The following ELN variants were observed in gnomAD, a reference collection of about 807,000 sequenced individuals.
The protein encoded by ELN is tropoelastin.
A neutral mutation model predicts 105.8 loss-of-function variants in ELN; 65 were observed. The ratio of observed to expected loss-of-function variants is 0.61; its 90% CI spans 0.50 to 0.75. The LOEUF (loss-of-function observed/expected upper bound fraction) is 0.75, where lower values mean the gene tolerates loss of function less well. ELN is among the 30% of genes least tolerant of loss of function. The probability of loss-of-function intolerance (pLI) is 0.00; values close to 1 mark genes in which losing one functional copy is unlikely to be tolerated. For synonymous variants in ELN, 368 were observed against 389.2 expected (o/e 0.95, Z 0.64); for missense variants, 882 against 969.4 (o/e 0.91, Z 1.20).
At chr7:74,046,825 T>C (rs1792665034) in intron 12 of ELN, 58 bp downstream of exon 12, 6 of 1,578,284 alleles carry the variant, frequency 3.8e-6, no homozygotes, top group Non-Finnish European at 1.7e-6. Context: ...GGTTCACACC[T>C]GTAATCCCAG....
chr7:74,063,090 C>T lies in ELN; in HGVS notation c.1787-63C>T. The T allele has an allele frequency of 6.4e-7, 1 of 1,552,184 alleles. No individual in the cohort carries two copies. Among genetic ancestry groups the T allele is most frequent in the Non-Finnish European group, 8.7e-7 (1 of 1,145,174 alleles). ...TGCCACCTGTCTGCTTGCCTTGTGT[C>T]CCTGGGGCAGGGAGACCCATCGTTC... is the stretch of plus-strand genomic sequence containing the variant. On this transcript the variant is annotated intron_variant, in intron 26 of 32. Transcript: ENST00000252034. This position sits in a 1 kb window ranked among gnomAD's most constrained non-coding sequence, Gnocchi z 4.1.
In ELN at chr7:74,051,762, C is replaced by A. The variant is rs781930831; in HGVS notation, c.812C>A (p.Ala271Asp). 5.0e-6 allele frequency: 8 copies of A among 1,614,082 alleles called. No individual in the cohort carries two copies. In the East Asian group the frequency reaches 1.3e-4, roughly 27 times the overall value. Residue 271 changes from alanine to aspartate, a missense_variant, in exon 16 of 33, where the codon GCC becomes GAC. Coordinates refer to ENST00000252034, the MANE Select transcript of ELN (RefSeq NM_000501.4). ...KAAAKFGAGAAGVLPGVGGAG... is the reference protein window; with the variant it reads ...KAAAKFGAGADGVLPGVGGAG... ...CCCATCTCAACAGGTGCTGGAGCAGCCGGAGTCCTCCCTGGTGTTGGAGGG... is the reference window on the plus strand; with the variant it reads ...CCCATCTCAACAGGTGCTGGAGCAGACGGAGTCCTCCCTGGTGTTGGAGGG...
At chr7:74,036,983 G>A (rs1308724018) in intron 3 of ELN, among the ~76,000 whole-genome samples, 1 of 152,004 alleles carries the variant, frequency 6.6e-6, no homozygotes, top group South Asian at 2.1e-4. Flanking sequence ...ACCACGCCCA[G>A]CTTATTTTTG....
chr7:74,029,415 G>A lies in ELN; in HGVS notation c.82+1146G>A, dbSNP rs552153030. On this transcript the variant is annotated intron_variant, in intron 1 of 32. Transcript: ENST00000252034. ...GTGGGGCTGCTATGCCGCGGCCAAC[G>A]GGGGAGGACAGAAGAGGCTCCCGGG... 1.1e-4 allele frequency among the ~76,000 whole-genome samples: 17 copies of A among 152,274 alleles called. No individual in the cohort carries two copies. In the South Asian group the frequency reaches 3.1e-3, roughly 28 times the overall value.
chr7:74,048,105 T>C (rs1554673563), intron 13 of ELN, 37 bp from the exon 14 acceptor site: 1 of 1,613,206 alleles, frequency 6.2e-7, no homozygotes, highest in Admixed American at 1.7e-5. Flanking sequence ...AGTGGTGATG[T>C]CTGCACAGAT....
chr7:74,046,115 C>T, intron 10 of ELN, 73 bp from the exon 11 acceptor site: 1 of 1,600,304 alleles, frequency 6.2e-7, no homozygotes, highest in Non-Finnish European at 8.6e-7. Flanking sequence ...CCTTGGGCCT[C>T]CTGGCCCCTT....
chr7:74,058,245 C>CTTCT (rs1795790877), intron 22 of ELN, among the ~76,000 whole-genome samples: 1 of 83,740 alleles, frequency 1.2e-5, no homozygotes, highest in African/African-American at 6.8e-5. Context: ...TCTTTTTCTC[C>CTTCT]TTCTTTCTTC....
chr7:74,053,750 G>T (rs1376443465), intron 18 of ELN, among the ~76,000 whole-genome samples: 1 of 151,688 alleles, frequency 6.6e-6, no homozygotes, highest in Non-Finnish European at 1.5e-5. Context: ...ATGGGTGGAT[G>T]GGTGGGTGGA....
At chr7:74,057,498 T>C in intron 21 of ELN, 142 bp from the exon 22 acceptor site, 1 of 1,586,938 alleles carries the variant, frequency 6.3e-7, no homozygotes, top group Non-Finnish European at 8.6e-7. Context: ...CAGAGATGGG[T>C]TTGGTTTGTC....
intron 5 of ELN, among the ~76,000 whole-genome samples, 194 bp from the exon 6 acceptor site, chr7:74,042,420 C>T (rs1791440816): frequency 6.7e-6 from 1 of 148,430 alleles, no homozygotes; most frequent in African/African-American, 2.6e-5. Context: ...AGAGTGAGAC[C>T]TTGTGTCAAA....
intron 3 of ELN, among the ~76,000 whole-genome samples, chr7:74,036,788 T>G (rs1471090635): frequency 6.6e-6 from 1 of 152,182 alleles, no homozygotes; most frequent in African/African-American, 2.4e-5. Context: ...ACTTTATGTC[T>G]GGTGCCCTCT....
At chr7:74,068,594 G>A (rs946044747) in intron 32 of ELN, 63 bp from the exon 33 acceptor site, 39 of 1,603,178 alleles carry the variant, frequency 2.4e-5, no homozygotes, top group Middle Eastern at 3.3e-4. Flanking sequence ...CAGAGCAGGC[G>A]GGGATTAGAG....
At chr7:74,042,907 C>A (rs979586091) in intron 6 of ELN, 77 bp from the exon 7 acceptor site, 184 of 1,609,652 alleles carry the variant, frequency 1.1e-4, no homozygotes, top group Non-Finnish European at 4.1e-5. Context: ...CAATGCTGGG[C>A]CCTCAGCATG....
At position 74,068,951 on chromosome 7, in the gene ELN, C is replaced by T. The variant is rs886062430; in HGVS notation, c.*251C>T. On this transcript the variant is annotated 3_prime_UTR_variant, in exon 33 of 33. Transcript: ENST00000252034. ...CCTGGCCCCCCACCCCATCCCTTCCCACCTAGGAGCTCCCCCTCCACACAG... is the reference window on the plus strand; with the variant it reads ...CCTGGCCCCCCACCCCATCCCTTCCTACCTAGGAGCTCCCCCTCCACACAG... 8 of 559,220 alleles carry T rather than the reference C, an allele frequency of 1.4e-5. No individual in the cohort carries two copies. The highest frequency in any genetic ancestry group is 2.3e-5 in the Non-Finnish European group (7 of 309,718). 34.6% of individuals were successfully genotyped at this position (559,220 alleles called of 1,614,324 possible).
In ELN at chr7:74,052,078, C is replaced by T. The variant is rs1254378533; in HGVS notation, c.949+95C>T. On this transcript the variant is annotated intron_variant, in intron 17 of 32. Coordinates refer to ENST00000252034, the MANE Select transcript of ELN (RefSeq NM_000501.4). Reference sequence around the variant, plus strand: ...AAGCCAGATGGACTTGGCCTTTGTTCCTTCCCAAATATGCATTGTTCATGC... The same window carrying T: ...AAGCCAGATGGACTTGGCCTTTGTTTCTTCCCAAATATGCATTGTTCATGC... 6.3e-6 allele frequency: 9 copies of T among 1,427,570 alleles called. No homozygotes were observed. In the African/African-American group the frequency reaches 1.3e-4, roughly 20 times the overall value. The allele number at this position is 1,427,570 out of a possible 1,614,324, so 88.4% of individuals were successfully genotyped here.
intron 6 of ELN, 119 bp downstream of exon 6, chr7:74,042,825 C>A (rs1025957953): frequency 6.5e-7 from 1 of 1,529,072 alleles, no homozygotes; most frequent in Non-Finnish European, 8.9e-7. Context: ...TTGTCAGTTG[C>A]AATCTACTGG....
chr7:74,048,424 CTT>C, intron 14 of ELN, 77 bp from the exon 15 acceptor site: 1 of 1,608,620 alleles, frequency 6.2e-7, no homozygotes, highest in Non-Finnish European at 8.5e-7. Context: ...GATTGGCTCT[CTT>C]GGGGCTGGGA....
At chr7:74,060,638 C>A (rs1554683887) in intron 25 of ELN, 137 bp downstream of exon 25, 2 of 1,555,726 alleles carry the variant, frequency 1.3e-6, no homozygotes, top group Admixed American at 2.0e-5. Context: ...TCCTAAGCAT[C>A]TGGGGGTAAC....
chr7:74,061,257 C>T (rs2132372012), intron 26 of ELN, 118 bp downstream of exon 26: 1 of 1,304,764 alleles, frequency 7.7e-7, no homozygotes, highest in Non-Finnish European at 1.1e-6. Flanking sequence ...TGGCTCACAC[C>T]TGTAATCCCA....
Sources: allele counts gnomAD v4.1 joint callset (sites outside exome capture counted in the v4.1 genomes callset), GRCh38; gene constraint gnomAD v4.1.1; non-coding constraint Gnocchi (gnomAD v3.1); transcripts MANE v1.5; gene names NCBI Gene and HGNC (gene_info 2026-07-23, HGNC 2026-07-21).